The following CNTNAP2 variants were observed in gnomAD, a reference collection of about 807,000 sequenced individuals.
CNTNAP2 encodes contactin-associated protein-like 2.
In CNTNAP2, 98 loss-of-function variants were observed where a neutral mutation model predicts 155.2. That is an observed-to-expected ratio of 0.63 (90% CI 0.54 to 0.75). The LOEUF is 0.75. CNTNAP2 is among the 30% of genes least tolerant of loss of function. The pLI is 0.00. For missense variants in CNTNAP2, 1,727 were observed against 1,688.1 expected (o/e 1.02, Z -0.40); for synonymous variants, 651 against 631.2 (o/e 1.03, Z -0.47).
chr7:146,806,220 A>G (rs1198691808), intron 2 of CNTNAP2, among the ~76,000 whole-genome samples: 3 of 152,156 alleles, frequency 2.0e-5, no homozygotes, highest in African/African-American at 7.2e-5. Context: ...GGACAGTTAC[A>G]GTGGCTCATG....
chr7:148,302,499 C>T, intron 21 of CNTNAP2, among the ~76,000 whole-genome samples: 1 of 152,036 alleles, frequency 6.6e-6, no homozygotes, highest in Non-Finnish European at 1.5e-5. Context: ...TCCCCTATGC[C>T]ATGTGATGTG....
At chr7:147,565,702 T>C (rs1480807876) in intron 12 of CNTNAP2, among the ~76,000 whole-genome samples, 1 of 152,180 alleles carries the variant, frequency 6.6e-6, no homozygotes, top group Non-Finnish European at 1.5e-5. Flanking sequence ...TCTCAACATA[T>C]GGACTGAGTA....
intron 1 of CNTNAP2, among the ~76,000 whole-genome samples, chr7:146,450,312 C>G (rs1390804772): frequency 6.6e-6 from 1 of 152,180 alleles, no homozygotes; most frequent in East Asian, 1.9e-4. Flanking sequence ...CACCCCAAAT[C>G]TGACAGATTT....
chr7:148,294,620 A>G (rs528654246), intron 21 of CNTNAP2, among the ~76,000 whole-genome samples: 65 of 152,288 alleles, frequency 4.3e-4, no homozygotes, highest in Middle Eastern at 3.4e-3. Context: ...TTTCTTGTCT[A>G]TTTGTGTATT....
At chr7:147,476,354 C>T (rs1421668434) in intron 10 of CNTNAP2, among the ~76,000 whole-genome samples, 4 of 152,014 alleles carry the variant, frequency 2.6e-5, no homozygotes, top group African/African-American at 9.7e-5. Flanking sequence ...ATCCGCCCAC[C>T]TCAGCCTCCC....
At chr7:147,741,637 A>G (rs956706465) in intron 13 of CNTNAP2, among the ~76,000 whole-genome samples, 1 of 152,226 alleles carries the variant, frequency 6.6e-6, no homozygotes, top group Admixed American at 6.5e-5. Context: ...GCAGTAGTAT[A>G]CTACCACTGG....
intron 21 of CNTNAP2, among the ~76,000 whole-genome samples, chr7:148,267,465 G>A (rs945320124): frequency 7.2e-5 from 11 of 151,974 alleles, no homozygotes; most frequent in Non-Finnish European, 1.2e-4. Flanking sequence ...GACCAGCCTG[G>A]CCAACATGGC....
At chr7:147,736,189 C>T (rs1204120392) in intron 13 of CNTNAP2, among the ~76,000 whole-genome samples, 1 of 151,844 alleles carries the variant, frequency 6.6e-6, no homozygotes, top group African/African-American at 2.4e-5. Flanking sequence ...TTAGTGCTTC[C>T]TTCAGGAGCT....
intron 1 of CNTNAP2, among the ~76,000 whole-genome samples, chr7:146,663,671 T>C (rs1800135517): frequency 1.3e-5 from 2 of 152,208 alleles, no homozygotes; most frequent in African/African-American, 2.4e-5. Flanking sequence ...TGAATTGTTA[T>C]TTCTAATATA....
chr7:147,280,060 A>G (rs1804996229), intron 8 of CNTNAP2, among the ~76,000 whole-genome samples: 1 of 151,900 alleles, frequency 6.6e-6, no homozygotes, highest in South Asian at 2.1e-4. Context: ...AGTACAAATG[A>G]TGTTTGTTTT....
chr7:146,735,480 G>A (rs1234523590), intron 1 of CNTNAP2, among the ~76,000 whole-genome samples: 2 of 151,956 alleles, frequency 1.3e-5, no homozygotes, highest in Admixed American at 6.6e-5. Context: ...GCGTGAACCC[G>A]GGAGGCGGAG....
chr7:147,640,858 TG>T (rs1455328443), intron 13 of CNTNAP2, among the ~76,000 whole-genome samples: 2 of 151,738 alleles, frequency 1.3e-5, no homozygotes, highest in African/African-American at 4.8e-5. Flanking sequence ...CTGGAGGAGG[TG>T]GTACCTGACT....
chr7:147,863,986 A>T (rs75071523), intron 13 of CNTNAP2, among the ~76,000 whole-genome samples: 90,178 of 151,688 alleles, frequency 0.59, 27,086 homozygotes, highest in Middle Eastern at 0.7. Flanking sequence ...GGTGTTTTAG[A>T]CATGAAGTCC....
chr7:146,571,734 C>CTTTT (rs376437154), intron 1 of CNTNAP2, among the ~76,000 whole-genome samples: 1 of 137,688 alleles, frequency 7.3e-6, no homozygotes, highest in Admixed American at 7.1e-5. Flanking sequence ...TCTTTTCTTT[C>CTTTT]TTTTTTTTTT....
At chr7:146,395,448 A>G (rs1249310197) in intron 1 of CNTNAP2, among the ~76,000 whole-genome samples, 1 of 129,800 alleles carries the variant, frequency 7.7e-6, no homozygotes, top group African/African-American at 3.2e-5. Context: ...TAATAGTGCT[A>G]AATAGTTTTT....
At chr7:146,896,747 AT>A (rs906161767) in intron 3 of CNTNAP2, among the ~76,000 whole-genome samples, 60 of 152,252 alleles carry the variant, frequency 3.9e-4, no homozygotes, top group Middle Eastern at 3.4e-3. Context: ...AATAATTCTG[AT>A]AATTAGTTTA....
At chr7:148,312,495 G>A (rs568041599) in intron 21 of CNTNAP2, among the ~76,000 whole-genome samples, 38 of 152,274 alleles carry the variant, frequency 2.5e-4, no homozygotes, top group African/African-American at 8.7e-4. Context: ...AAGAGAGGCT[G>A]GGATGAAGGG....
At chr7:147,610,492 G>A (rs916437814) in intron 12 of CNTNAP2, among the ~76,000 whole-genome samples, 6 of 152,168 alleles carry the variant, frequency 3.9e-5, no homozygotes, top group African/African-American at 1.4e-4. Flanking sequence ...TCAGTTTGAA[G>A]CAACCAGCAT....
chr7:147,254,023 G>C (rs1804264195), intron 8 of CNTNAP2, among the ~76,000 whole-genome samples: 1 of 152,078 alleles, frequency 6.6e-6, no homozygotes, highest in Non-Finnish European at 1.5e-5. Context: ...CCAGTGCTTG[G>C]GTGTCTTCAA....
Sources: gnomAD v4.1 joint callset for allele counts (sites outside exome capture counted in the v4.1 genomes callset) on GRCh38, gnomAD v4.1.1 for gene constraint, MANE v1.5 for transcripts, NCBI Gene and HGNC (gene_info 2026-07-23, HGNC 2026-07-21) for gene names.